AOX1: variants seen among roughly 807,000 people sequenced by gnomAD.
AOX1 encodes the protein aldehyde oxidase 1.
AOX1 carries 153 observed loss-of-function variants against 169.5 expected under a neutral mutation model. That is an observed-to-expected ratio of 0.90 (90% CI 0.79 to 1.03). The LOEUF is 1.03. AOX1 is among the 50% of genes least tolerant of loss of function. AOX1 has a pLI of 0.00. For synonymous variants in AOX1, 562 were observed against 581.9 expected (o/e 0.97, Z 0.49); for missense variants, 1,656 against 1,663.9 (o/e 1.00, Z 0.08).
chr2:200,614,688 A>G (rs1316753476), intron 15 of AOX1, among the ~76,000 whole-genome samples: 1 of 152,200 alleles, frequency 6.6e-6, no homozygotes, highest in Non-Finnish European at 1.5e-5. Flanking sequence ...GAAGCCAAGA[A>G]CAGTCTTCCT....
chr2:200,607,160 A>G lies in AOX1; in HGVS notation c.907+1532A>G, dbSNP rs2034533931. ...TATTATTTTGAGATATGATCCATCA[A>G]TACCTAGTTTATTGAAAGTTTTTAA... On this transcript the variant is annotated intron_variant, in intron 10 of 34. Transcript: ENST00000374700. Among the ~76,000 whole-genome samples, 3 of 152,232 alleles carry G rather than the reference A, an allele frequency of 2.0e-5. No homozygotes were observed. In the South Asian group the frequency reaches 6.2e-4, roughly 31 times the overall value.
chr2:200,640,974 C>T (rs1010433514), intron 23 of AOX1, 124 bp from the exon 24 acceptor site: 20 of 646,408 alleles, frequency 3.1e-5, no homozygotes, highest in Admixed American at 7.6e-5. Context: ...ATATACTATC[C>T]GAGAAATCAC....
At chr2:200,586,212 G>A (rs932424267) in intron 1 of AOX1, 59 bp downstream of exon 1, 11 of 1,479,524 alleles carry the variant, frequency 7.4e-6, no homozygotes, top group Admixed American at 2.3e-5. Flanking sequence ...GGGCAGAGAG[G>A]AGCCCCTGCC....
Position 200,623,899 on chromosome 2 carries a change from C to T in AOX1, c.2040C>T (p.Ala680=), listed in dbSNP as rs1451985166. ...CVGQLVCAVL[A]DSEVQAKRAA... Reference sequence around the variant, plus strand: ...GTCAGCTTGTCTGTGCTGTGCTTGCCGATTCTGAGGTTCAGGCAAAGCGAG... The same window carrying T: ...GTCAGCTTGTCTGTGCTGTGCTTGCTGATTCTGAGGTTCAGGCAAAGCGAG... The change falls in exon 19 of 35, where the codon GCC becomes GCT. Residue 680 remains alanine (A), a synonymous_variant. Transcript: ENST00000374700. The T allele has an allele frequency of 3.1e-6, 5 of 1,613,882 alleles. No homozygotes were observed. Among genetic ancestry groups the T allele is most frequent in the African/African-American group, 1.3e-5 (1 of 74,890 alleles).
At chr2:200,609,170 T>A in intron 11 of AOX1, 35 bp downstream of exon 11, 1 of 1,609,860 alleles carries the variant, frequency 6.2e-7, no homozygotes, top group Non-Finnish European at 8.5e-7. Flanking sequence ...CTGGTATGCA[T>A]CCCTTGGGTG....
Position 200,620,732 on chromosome 2 carries a change from A to G in AOX1, c.1787A>G (p.Glu596Gly), listed in dbSNP as rs2034868154. ...HLSGVKHATG[E>G]AIYCDDMPLV... ...TCTGGTGTGAAGCATGCCACGGGGG[A>G]GGCCATCTACTGTGATGACATGCCT... is the stretch of plus-strand genomic sequence containing the variant. The change falls in exon 17 of 35, where the codon GAG (glutamate) becomes GGG (glycine). Residue 596 changes from glutamate to glycine, a missense_variant. Physicochemically the swap from Glu to Gly is moderately conservative, Grantham distance 98. Coordinates refer to ENST00000374700, the MANE Select transcript of AOX1 (RefSeq NM_001159.4). The G allele has an allele frequency of 1.9e-6, 3 of 1,605,606 alleles. 1 individual carries two copies. Among genetic ancestry groups the G allele is most frequent in the Middle Eastern group, 3.3e-4 (2 of 6,070 alleles).
At chr2:200,620,380 T>G (rs937208522) in intron 16 of AOX1, among the ~76,000 whole-genome samples, 3 of 128,180 alleles carry the variant, frequency 2.3e-5, no homozygotes, top group Admixed American at 7.7e-5. Flanking sequence ...TTTTGTTTTG[T>G]TTTTTTTTAG....
intron 26 of AOX1, among the ~76,000 whole-genome samples, chr2:200,651,684 C>A (rs2035582309): frequency 6.6e-6 from 1 of 152,138 alleles, no homozygotes; most frequent in Admixed American, 6.5e-5. Context: ...AAATAAATCA[C>A]TTTTTAAATA....
intron 27 of AOX1, among the ~76,000 whole-genome samples, chr2:200,657,246 A>C (rs1158813955): frequency 6.8e-5 from 9 of 133,096 alleles, no homozygotes; most frequent in African/African-American, 2.6e-4. Context: ...TTTCCCACCT[A>C]CTTGGGAGGC....
intron 28 of AOX1, 86 bp downstream of exon 28, chr2:200,659,379 T>A: frequency 7.0e-7 from 1 of 1,428,036 alleles, no homozygotes; most frequent in Non-Finnish European, 9.6e-7. Context: ...ATGCTGAGAG[T>A]TAATCCAACT....
Position 200,651,164 on chromosome 2 carries a change from A to G in AOX1, c.3038A>G (p.Lys1013Arg), listed in dbSNP as rs2035574290. The change falls in exon 26 of 35, where the codon AAG becomes AGG. Residue 1013 changes from lysine to arginine, a missense_variant. Coordinates refer to ENST00000374700, the MANE Select transcript of AOX1 (RefSeq NM_001159.4). ...AAAGGACTGGCCATGGTCCCCCTGAAGTTTCCTGTTGGCCTTGGCTCACGT... is the reference window on the plus strand; with the variant it reads ...AAAGGACTGGCCATGGTCCCCCTGAGGTTTCCTGTTGGCCTTGGCTCACGT... ...KKKGLAMVPL[K>R]FPVGLGSRAA... 1.9e-6 allele frequency: 3 copies of G among 1,614,076 alleles called. No individual in the cohort carries two copies. In the African/African-American group the frequency reaches 4.0e-5, roughly 22 times the overall value.
intron 18 of AOX1, among the ~76,000 whole-genome samples, chr2:200,623,575 G>T (rs1321018033): frequency 3.9e-5 from 6 of 152,228 alleles, no homozygotes; most frequent in Non-Finnish European, 7.3e-5. Context: ...GGACAGGCTG[G>T]CCCTCACACA....
intron 10 of AOX1, 37 bp downstream of exon 10, chr2:200,605,665 C>T (rs371230713): frequency 5.6e-6 from 6 of 1,065,644 alleles, no homozygotes; most frequent in African/African-American, 1.6e-5. Flanking sequence ...AGTTAAGATG[C>T]ATTAATCAAT....
intron 22 of AOX1, among the ~76,000 whole-genome samples, chr2:200,637,490 T>C (rs6741421): frequency 0.055 from 8,333 of 152,238 alleles, 519 homozygotes; most frequent in African/African-American, 0.15. Flanking sequence ...TTTGTGTGTA[T>C]ATATGTACAT....
rs142414478 is a variant in AOX1 at position 200,604,744 on chromosome 2, A to G, written c.718A>G (p.Arg240Gly). ...AAGGACCAGGGTGTTTGGCAGTGAG[A>G]GAATGATGTGGTTTTCCCCCGTGAC... ...SQRTRVFGSERMMWFSPVTLK... is the reference protein window; with the variant it reads ...SQRTRVFGSEGMMWFSPVTLK... Residue 240 changes from arginine (R) to glycine (G), a missense_variant, in exon 9 of 35, where the codon AGA becomes GGA. Physicochemically the swap from Arg to Gly is moderately radical, Grantham distance 125 (BLOSUM62 -2). Coordinates refer to ENST00000374700, the MANE Select transcript of AOX1 (RefSeq NM_001159.4). The G allele has an allele frequency of 2.6e-4, 426 of 1,613,990 alleles. 1 individual carries two copies. The highest frequency in any genetic ancestry group is 3.5e-4 in the Non-Finnish European group (415 of 1,180,010).
chr2:200,653,953 T>C (rs1365389346), intron 26 of AOX1, among the ~76,000 whole-genome samples: 1 of 152,046 alleles, frequency 6.6e-6, no homozygotes, highest in African/African-American at 2.4e-5. Flanking sequence ...ACTTAATAAA[T>C]GTTTTGTGTG....
intron 2 of AOX1, among the ~76,000 whole-genome samples, chr2:200,594,914 G>T (rs1286523964): frequency 6.6e-6 from 1 of 152,156 alleles, no homozygotes; most frequent in African/African-American, 2.4e-5. Context: ...TTTGCTTTGT[G>T]TCATCAAAGA....
At position 200,604,845 on chromosome 2, in the gene AOX1, G is replaced by A. The variant is rs1450609432; in HGVS notation, c.814+5G>A. On this transcript the variant is annotated splice_donor_5th_base_variant and intron_variant, in intron 9 of 34. Transcript: ENST00000374700. The stretch of plus-strand genomic sequence containing the variant: ...TCATGGGAAACACCTCTGTGGGTAT[G>A]TAGAACCCCAGGGATTTTTTATAGG... 10 of 1,446,842 alleles carry A rather than the reference G, an allele frequency of 6.9e-6. No homozygotes were observed. Among genetic ancestry groups the A allele is most frequent in the Non-Finnish European group, 2.8e-6 (3 of 1,073,418 alleles). The allele number at this position is 1,446,842 out of a possible 1,614,324, so 89.6% of individuals were successfully genotyped here.
At chr2:200,614,599 A>G (rs1195690313) in intron 15 of AOX1, among the ~76,000 whole-genome samples, 1 of 152,234 alleles carries the variant, frequency 6.6e-6, no homozygotes, top group African/African-American at 2.4e-5. Flanking sequence ...CTCTGAATAA[A>G]TCCATTAGAC....
Sources: allele counts gnomAD v4.1 joint callset (sites outside exome capture counted in the v4.1 genomes callset), GRCh38; gene constraint gnomAD v4.1.1; transcripts MANE v1.5; gene names NCBI Gene and HGNC (gene_info 2026-07-23, HGNC 2026-07-21).